VPS35L: variants seen among roughly 807,000 people sequenced by gnomAD.
VPS35L encodes the protein VPS35 endosomal protein sorting factor like, also known as VPS35 endosomal protein-sorting factor-like.
VPS35L carries 83 observed loss-of-function variants against 133.0 expected under a neutral mutation model. That is an observed-to-expected ratio of 0.62 (90% CI 0.52 to 0.75). The LOEUF (loss-of-function observed/expected upper bound fraction) is 0.75, where lower values mean the gene tolerates loss of function less well. Among genes scored for constraint, VPS35L ranks in the 30% least tolerant of loss-of-function variants. VPS35L has a pLI of 0.00. For synonymous variants in VPS35L, 423 were observed against 449.9 expected, an observed-to-expected ratio of 0.94 and a Z score of 0.76; for missense variants, 1,083 against 1,206.8, an observed-to-expected ratio of 0.90 and a Z score of 1.52.
intron 28 of VPS35L, among the ~76,000 whole-genome samples, chr16:19,690,801 A>G (rs1458300632): frequency 6.6e-6 from 1 of 152,054 alleles, no homozygotes; most frequent in Non-Finnish European, 1.5e-5. Flanking sequence ...AAATAAAAGA[A>G]TAAATTAAAA....
intron 22 of VPS35L, among the ~76,000 whole-genome samples, chr16:19,644,273 G>C (rs1284371412): frequency 1.3e-5 from 2 of 152,208 alleles, no homozygotes; most frequent in African/African-American, 2.4e-5. Flanking sequence ...AAAAAAATAA[G>C]ATGGATTGAT....
intron 1 of VPS35L, among the ~76,000 whole-genome samples, chr16:19,564,180 C>T (rs948469948): frequency 7.2e-5 from 11 of 151,830 alleles, no homozygotes; most frequent in South Asian, 2.1e-4. Flanking sequence ...CTGGTTGAAG[C>T]GATTCTCCTG....
chr16:19,612,128 G>A (rs1372055835), intron 12 of VPS35L, among the ~76,000 whole-genome samples: 3 of 151,838 alleles, frequency 2.0e-5, no homozygotes, highest in African/African-American at 7.3e-5. Context: ...TAGTAGAGAC[G>A]GGGTTTCACC....
chr16:19,557,999 G>C (rs1451960302), intron 1 of VPS35L, among the ~76,000 whole-genome samples: 1 of 152,096 alleles, frequency 6.6e-6, no homozygotes, highest in Non-Finnish European at 1.5e-5. Flanking sequence ...GATCCCAGGA[G>C]GCGGAGGTTG....
At chr16:19,690,384 C>T (rs544561266) in intron 28 of VPS35L, among the ~76,000 whole-genome samples, 22 of 152,140 alleles carry the variant, frequency 1.4e-4, no homozygotes, top group Non-Finnish European at 3.1e-4. Context: ...CTTGGCTGGG[C>T]CTGTCTTACT....
intron 26 of VPS35L, among the ~76,000 whole-genome samples, chr16:19,663,934 C>T (rs1241023069): frequency 6.6e-6 from 1 of 152,006 alleles, no homozygotes; most frequent in Non-Finnish European, 1.5e-5. Flanking sequence ...TGGAGTCCAT[C>T]TGTGGGGTTT....
chr16:19,564,949 CTG>C lies in VPS35L; in HGVS notation c.117+1_117+2del. On this transcript the variant is annotated splice_donor_variant and coding_sequence_variant, in exon 2 of 31. Transcript: ENST00000417362. LOFTEE classifies it high-confidence loss of function. ...GACTATCACCCTCTGAAACCCATAACTGTAAGTTTTGTTAAGGGTCTTTCTGA... is the reference window on the plus strand; with the variant it reads ...GACTATCACCCTCTGAAACCCATAACTAAGTTTTGTTAAGGGTCTTTCTGA... 6.3e-7 allele frequency: 1 copy of C among 1,597,694 alleles called. No homozygotes were observed. The highest frequency in any genetic ancestry group is 8.6e-7 in the Non-Finnish European group (1 of 1,165,580).
chr16:19,581,433 C>A, intron 6 of VPS35L, 92 bp from the exon 7 acceptor site: 1 of 1,345,584 alleles, frequency 7.4e-7, no homozygotes, highest in Non-Finnish European at 9.7e-7. Context: ...ATTTAGAGAC[C>A]AAAACTCAGC....
chr16:19,578,237 C>G, intron 5 of VPS35L: 1 of 447,520 alleles, frequency 2.2e-6, no homozygotes, highest in East Asian at 7.0e-5. Context: ...GTCAGGCTTA[C>G]AAAAAGAGTT....
At position 19,626,224 on chromosome 16, in the gene VPS35L, G is replaced by C; in HGVS notation, c.1271+1G>C. ...AAAGGTGTAAGAAACTAGGAAACAA[G>C]TAAGTATTTTAAGATTCATAAAGCA... On this transcript the variant is annotated splice_donor_variant, in intron 15 of 30. Coordinates refer to ENST00000417362, the MANE Select transcript of VPS35L (RefSeq NM_020314.7). LOFTEE classifies it high-confidence loss of function. 6.3e-7 allele frequency: 1 copy of C among 1,597,994 alleles called. No homozygotes were observed. Among genetic ancestry groups the C allele is most frequent in the Non-Finnish European group, 8.6e-7 (1 of 1,169,166 alleles).
rs1300856871 is a variant in VPS35L at position 19,608,283 on chromosome 16, TTTTTTTTTTTTG to T, written c.881+10_881+21del. The T allele has an allele frequency of 3.7e-6, 5 of 1,338,120 alleles. No homozygotes were observed. The highest frequency in any genetic ancestry group is 5.1e-6 in the Non-Finnish European group (5 of 976,496). 82.9% of individuals were successfully genotyped at this position (1,338,120 alleles called of 1,614,324 possible). A position where few individuals can be genotyped will look rare whatever the true frequency, so the allele number is the denominator to read the frequency against. On this transcript the variant is annotated intron_variant, in intron 10 of 30. Coordinates refer to ENST00000417362, the MANE Select transcript of VPS35L (RefSeq NM_020314.7). ...GAACTCATTCCAAGATTGTATCCTT[TTTTTTTTTTTTG>T]GTCTGATGATTTTAAAGATAGGCTA...
At chr16:19,584,627 C>CAAAAA (rs34652566) in intron 7 of VPS35L, among the ~76,000 whole-genome samples, 3 of 102,880 alleles carry the variant, frequency 2.9e-5, no homozygotes, top group African/African-American at 1.1e-4. Flanking sequence ...AACTCTGTCT[C>CAAAAA]AAAAAAAAAA....
At chr16:19,637,813 T>C (rs998206825) in intron 20 of VPS35L, among the ~76,000 whole-genome samples, 157 bp downstream of exon 20, 1 of 152,218 alleles carries the variant, frequency 6.6e-6, no homozygotes, top group African/African-American at 2.4e-5. Flanking sequence ...ATTTATGTCC[T>C]AATAGATTAA....
intron 9 of VPS35L, among the ~76,000 whole-genome samples, chr16:19,605,366 A>G (rs138610369): frequency 2.0e-5 from 3 of 152,330 alleles, no homozygotes; most frequent in South Asian, 2.1e-4. Flanking sequence ...GTCCCCATGT[A>G]GCAGCCCAAG....
chr16:19,669,542 G>T (rs1297693378), intron 27 of VPS35L, among the ~76,000 whole-genome samples: 1 of 152,116 alleles, frequency 6.6e-6, no homozygotes, highest in Non-Finnish European at 1.5e-5. Context: ...ATAGACTGGG[G>T]TCTTAAACAA....
chr16:19,560,531 C>T (rs1024794594), intron 1 of VPS35L, among the ~76,000 whole-genome samples: 1 of 152,178 alleles, frequency 6.6e-6, no homozygotes, highest in African/African-American at 2.4e-5. Context: ...CGTGGTGGCT[C>T]ACACCTATAA....
chr16:19,632,645 G>A (rs956269485), intron 18 of VPS35L, among the ~76,000 whole-genome samples: 3 of 152,210 alleles, frequency 2.0e-5, no homozygotes, highest in Non-Finnish European at 4.4e-5. Context: ...ACAGGCCCTG[G>A]GCTGGATTGG....
Position 19,622,299 on chromosome 16 carries a change from C to T in VPS35L, c.1225-3878C>T, listed in dbSNP as rs139955810. Among the ~76,000 whole-genome samples the T allele has an allele frequency of 8.4e-3, 1,273 of 152,026 alleles. 12 individuals carry two copies. The highest frequency in any genetic ancestry group is 0.019 in the South Asian group (89 of 4,802). ...AACTGGGACTACAGCCACGCCACCA[C>T]GCCCGGCTAATTTTTGTATTTTTAG... is the stretch of plus-strand genomic sequence containing the variant. On this transcript the variant is annotated intron_variant, in intron 14 of 30. Transcript: ENST00000417362.
intron 19 of VPS35L, among the ~76,000 whole-genome samples, chr16:19,635,610 A>G (rs1437230339): frequency 6.6e-6 from 1 of 152,204 alleles, no homozygotes; most frequent in African/African-American, 2.4e-5. Flanking sequence ...TTTAGATTTC[A>G]TTATATCAGT....
Sources: allele counts gnomAD v4.1 joint callset (sites outside exome capture counted in the v4.1 genomes callset), GRCh38; gene constraint gnomAD v4.1.1; transcripts MANE v1.5; gene names NCBI Gene and HGNC (gene_info 2026-07-23, HGNC 2026-07-21).